The following EDEM3 variants were observed in gnomAD, a reference collection of about 807,000 sequenced individuals.
EDEM3 encodes ER degradation enhancing alpha-mannosidase like protein 3.
EDEM3 carries 60 observed loss-of-function variants against 110.2 expected under a neutral mutation model. That is an observed-to-expected ratio of 0.54 (90% CI 0.44 to 0.67). The LOEUF is 0.67. Ranked by LOEUF, EDEM3 falls within the 30% of genes least tolerant of loss-of-function variation. The probability of loss-of-function intolerance (pLI) is 0.00; values close to 1 mark genes in which losing one functional copy is unlikely to be tolerated. For missense variants in EDEM3, 996 were observed against 1,121.0 expected, an observed-to-expected ratio of 0.89 and a Z score of 1.59; for synonymous variants, 352 against 382.9, an observed-to-expected ratio of 0.92 and a Z score of 0.94.
At chr1:184,740,241 A>G (rs1459538707) in intron 2 of EDEM3, among the ~76,000 whole-genome samples, 1 of 152,202 alleles carries the variant, frequency 6.6e-6, no homozygotes, top group African/African-American at 2.4e-5. Context: ...AACTCCCTGC[A>G]CCAAGAATAA....
Position 184,691,692 on chromosome 1 carries a change from CAAGT to C in EDEM3, c.*2367_*2370del, listed in dbSNP as rs1649071545. The C allele has an allele frequency of 6.6e-6, 1 of 150,826 alleles. No individual in the cohort carries two copies. The highest frequency in any genetic ancestry group is 2.1e-4 in the South Asian group (1 of 4,790). The allele number at this position is 150,826 out of a possible 1,614,324, so 9.3% of individuals were successfully genotyped here. On this transcript the variant is annotated 3_prime_UTR_variant, in exon 20 of 20. Transcript: ENST00000318130. The stretch of plus-strand genomic sequence containing the variant: ...CAAAAACTACTTTGTGGCAGTATGT[CAAGT>C]AAGTAAATGAATGTAGAGTTGTAAT...
chr1:184,696,146 A>G (rs1471520351), intron 19 of EDEM3, among the ~76,000 whole-genome samples: 3 of 151,944 alleles, frequency 2.0e-5, no homozygotes. Context: ...ATGAGCCATC[A>G]GAGAAGAGTA....
chr1:184,716,935 G>T lies in EDEM3; in HGVS notation c.1323C>A (p.Cys441Ter). 6.2e-7 allele frequency: 1 copy of T among 1,613,152 alleles called. No individual in the cohort carries two copies. Among genetic ancestry groups the T allele is most frequent in the Non-Finnish European group, 8.5e-7 (1 of 1,179,292 alleles). Residue 441 changes from cysteine to a stop codon, truncating the protein, a stop_gained, in exon 13 of 20, where the codon TGC (cysteine) becomes TGA (stop). Coordinates refer to ENST00000318130, the MANE Select transcript of EDEM3 (RefSeq NM_025191.4). LOFTEE classifies it high-confidence loss of function. ...ENLNKYARVP[C>*]GFAAMKDVRT... is the part of the protein sequence containing the mutation. Reference sequence around the variant, plus strand: ...GAACATCCTTCATGGCAGCAAATCCGCAAGGCACTCTAGCATATTTATTTA... The same window carrying T: ...GAACATCCTTCATGGCAGCAAATCCTCAAGGCACTCTAGCATATTTATTTA...
Position 184,711,738 on chromosome 1 carries a change from C to A in EDEM3, c.1676G>T (p.Arg559Ile). ...TACATCTTACACTCTGATGATGCCT[C>A]TAGGACAGCTCTTATCCACCACATT... ...LKNVVDKSCPRGIIRVEESFR... is the reference protein window; with the variant it reads ...LKNVVDKSCPIGIIRVEESFR... The change falls in exon 15 of 20, where the codon AGA becomes ATA. Residue 559 changes from arginine (R) to isoleucine (I), a missense_variant. Coordinates refer to ENST00000318130, the MANE Select transcript of EDEM3 (RefSeq NM_025191.4). The A allele has an allele frequency of 1.9e-6, 3 of 1,611,278 alleles. No individual in the cohort carries two copies. Among genetic ancestry groups the A allele is most frequent in the Non-Finnish European group, 2.5e-6 (3 of 1,178,832 alleles).
intron 6 of EDEM3, among the ~76,000 whole-genome samples, chr1:184,730,616 C>A (rs1651458131): frequency 6.6e-6 from 1 of 151,970 alleles, no homozygotes; most frequent in Non-Finnish European, 1.5e-5. Flanking sequence ...AGAATGTTTA[C>A]CAGAGAGCTA....
In EDEM3 at chr1:184,722,987, T is replaced by G. The variant is rs149798823; in HGVS notation, c.853+764A>C. ...TTTAATAACAATATTCCAACGCTGA[T>G]GTAAAATAATTTTCTTAGCTTTTTT... On this transcript the variant is annotated intron_variant, in intron 8 of 19. Transcript: ENST00000318130. 2.8e-3 allele frequency among the ~76,000 whole-genome samples: 431 copies of G among 152,100 alleles called. 5 individuals are homozygous for G. The East Asian group carries it at 0.035, about 13-fold the overall frequency.
intron 2 of EDEM3, among the ~76,000 whole-genome samples, chr1:184,739,973 G>C (rs1430801878): frequency 6.6e-6 from 1 of 152,108 alleles, no homozygotes; most frequent in African/African-American, 2.4e-5. Context: ...TGGTGGCCCT[G>C]CATACATGGC....
chr1:184,703,080 A>G, intron 18 of EDEM3, 84 bp from the exon 19 acceptor site: 1 of 1,130,994 alleles, frequency 8.8e-7, no homozygotes, highest in Non-Finnish European at 1.2e-6. Flanking sequence ...ATTTTTTACA[A>G]TGACAGAATT....
chr1:184,732,791 C>T (rs1381241434), intron 6 of EDEM3, 46 bp downstream of exon 6: 14 of 1,549,082 alleles, frequency 9.0e-6, no homozygotes, highest in Non-Finnish European at 1.1e-5. Context: ...TTTTGTAAAA[C>T]AGCAAAGAAA....
intron 4 of EDEM3, among the ~76,000 whole-genome samples, chr1:184,735,157 T>C (rs1558065396): frequency 6.6e-6 from 1 of 152,226 alleles, no homozygotes; most frequent in Non-Finnish European, 1.5e-5. Context: ...GTTGTGGTCA[T>C]GCCCTGATTT....
chr1:184,726,937 G>A (rs994211318), intron 6 of EDEM3, among the ~76,000 whole-genome samples: 2 of 152,208 alleles, frequency 1.3e-5, no homozygotes, highest in African/African-American at 4.8e-5. Flanking sequence ...GTATCACCTT[G>A]CTGGCAGGCT....
chr1:184,740,000 G>C (rs895278830), intron 2 of EDEM3, among the ~76,000 whole-genome samples: 4 of 152,114 alleles, frequency 2.6e-5, no homozygotes, highest in Non-Finnish European at 5.9e-5. Flanking sequence ...CCAGGGCTAG[G>C]CTCTTTAAGT....
chr1:184,719,132 G>T (rs1425346068), intron 11 of EDEM3, 30 bp downstream of exon 11: 3 of 1,343,420 alleles, frequency 2.2e-6, no homozygotes, highest in Admixed American at 4.4e-5. Context: ...TTGTGTGTGT[G>T]TAAGATTATT....
intron 6 of EDEM3, among the ~76,000 whole-genome samples, chr1:184,728,628 G>A (rs1433394738): frequency 6.7e-6 from 1 of 149,384 alleles, no homozygotes; most frequent in Non-Finnish European, 1.5e-5. Flanking sequence ...AATTTTTTGT[G>A]GGGATGGAGT....
Position 184,721,377 on chromosome 1 carries a change from A to G in EDEM3, c.863T>C (p.Val288Ala). The G allele has an allele frequency of 1.3e-6, 2 of 1,597,444 alleles. No individual in the cohort carries two copies. The highest frequency in any genetic ancestry group is 2.3e-5 in the East Asian group (1 of 44,146). ...ATAATATGAATCAATCCCTGCTCCA[A>G]CTCCACTATCTATGGAAACACAAAT... ...TGDWVRKDSG[V>A]GAGIDSYYEY... The change falls in exon 9 of 20, where the codon GTT becomes GCT. Residue 288 changes from valine to alanine, a missense_variant. By Grantham distance (64) the Val-to-Ala change is moderately conservative (BLOSUM62 0). Around this residue, in one of 5 missense-constraint regions of EDEM3, gnomAD observed 310 missense variants for 394.6 expected, o/e 0.79. Coordinates refer to ENST00000318130, the MANE Select transcript of EDEM3 (RefSeq NM_025191.4).
intron 2 of EDEM3, among the ~76,000 whole-genome samples, chr1:184,739,321 T>C (rs1307806421): frequency 1.3e-5 from 2 of 149,158 alleles, no homozygotes; most frequent in Non-Finnish European, 1.5e-5. Flanking sequence ...ATCATTAAAA[T>C]AATTAAGATT....
Position 184,723,862 on chromosome 1 carries a change from AT to A in EDEM3, c.748-7del, listed in dbSNP as rs746205020. On this transcript the variant is annotated splice_region_variant and splice_polypyrimidine_tract_variant and intron_variant, in intron 7 of 19. Coordinates refer to ENST00000318130, the MANE Select transcript of EDEM3 (RefSeq NM_025191.4). ...AGAGCTTTTCTGGCATATTCCTGTA[AT>A]TTAAAAAAAAAAAAAAAAAAAAGAA... is the stretch of plus-strand genomic sequence containing the variant. 24 of 1,328,852 alleles carry A rather than the reference AT, an allele frequency of 1.8e-5. No homozygotes were observed. The African/African-American group carries it at 2.5e-4, about 14-fold the overall frequency. The allele number at this position is 1,328,852 out of a possible 1,614,324, so 82.3% of individuals were successfully genotyped here. A position where few individuals can be genotyped will look rare whatever the true frequency, so the allele number is the denominator to read the frequency against.
intron 14 of EDEM3, 149 bp downstream of exon 14, chr1:184,712,284 G>T: frequency 1.4e-6 from 1 of 714,730 alleles, no homozygotes; most frequent in Non-Finnish European, 2.2e-6. Context: ...TATACAGGAT[G>T]CAATAAAAGA....
chr1:184,703,337 A>G (rs1294670379), intron 18 of EDEM3, among the ~76,000 whole-genome samples: 1 of 152,194 alleles, frequency 6.6e-6, no homozygotes, highest in Admixed American at 6.5e-5. Flanking sequence ...GATTATGACT[A>G]TAAAAATTTC....
Sources: allele counts gnomAD v4.1 joint callset (sites outside exome capture counted in the v4.1 genomes callset), GRCh38; gene constraint gnomAD v4.1.1; regional missense constraint gnomAD v4.1.1; transcripts MANE v1.5; gene names NCBI Gene and HGNC (gene_info 2026-07-23, HGNC 2026-07-21).